DMD: variants seen among roughly 807,000 people sequenced by gnomAD.
DMD encodes dystrophin, also known as mutant dystrophin.
In DMD, 63 loss-of-function variants were observed where a neutral mutation model predicts 330.1. That is an observed-to-expected ratio of 0.19 (90% confidence interval 0.16 to 0.24). The LOEUF (loss-of-function observed/expected upper bound fraction) is 0.24. Among genes scored for constraint, DMD ranks in the 10% least tolerant of loss-of-function variants. The pLI is 1.00. For synonymous variants in DMD, 1,223 were observed against 959.8 expected (o/e 1.27, Z -5.07); for missense variants, 3,344 against 2,684.1 (o/e 1.25, Z -5.43).
chrX:31,636,996 T>C (rs1569153846), intron 54 of DMD, among the ~76,000 whole-genome samples: 1 of 112,175 alleles, frequency 8.9e-6, no homozygotes, highest in Non-Finnish European at 1.9e-5. Context: ...ACAGAGAGTA[T>C]CTGAATGTCT....
intron 62 of DMD, chrX:31,267,071 G>A (rs2051230381): frequency 5.9e-6 from 2 of 338,755 alleles, no homozygotes; most frequent in Non-Finnish European, 1.0e-5. Context: ...AGACTGGGCA[G>A]TTGGGGCTTT....
At chrX:32,336,291 C>G (rs1189055463) in intron 41 of DMD, among the ~76,000 whole-genome samples, 1 of 111,472 alleles carries the variant, frequency 9.0e-6, no homozygotes, top group Non-Finnish European at 1.9e-5. Flanking sequence ...GCTGGGATTA[C>G]AGTTGTGAGC....
intron 1 of DMD, among the ~76,000 whole-genome samples, chrX:33,150,003 T>C (rs1179514808): frequency 8.9e-6 from 1 of 111,935 alleles, no homozygotes; most frequent in Non-Finnish European, 1.9e-5. Flanking sequence ...TGTAATGATC[T>C]AATATAATTA....
chrX:32,943,239 T>A (rs2090553910), intron 2 of DMD, among the ~76,000 whole-genome samples: 1 of 111,601 alleles, frequency 9.0e-6, no homozygotes, highest in African/African-American at 3.3e-5. Context: ...TACAGATAAT[T>A]TGATTAAAAA....
intron 44 of DMD, among the ~76,000 whole-genome samples, chrX:32,134,987 G>A (rs1227140548): frequency 1.8e-5 from 2 of 111,439 alleles, no homozygotes; most frequent in East Asian, 5.7e-4. Context: ...GGCCACATCT[G>A]GTCTAGACTT....
intron 25 of DMD, among the ~76,000 whole-genome samples, chrX:32,460,098 A>T (rs1407905665): frequency 9.2e-6 from 1 of 108,482 alleles, no homozygotes; most frequent in Non-Finnish European, 1.9e-5. Flanking sequence ...AGAAGAAAAA[A>T]ATGGCCAATT....
In DMD at chrX:32,711,853, G is replaced by C. The variant is rs1330581360; in HGVS notation, c.650-12560C>G. On this transcript the variant is annotated intron_variant, in intron 7 of 78. Transcript: ENST00000357033. Reference sequence around the variant, plus strand: ...TTAAACATATACACTGTCTATGCATGTACTTTCTTAAGATGTGCTCAATTA... The same window carrying C: ...TTAAACATATACACTGTCTATGCATCTACTTTCTTAAGATGTGCTCAATTA... Among the ~76,000 whole-genome samples, 4 of 111,789 alleles carry C rather than the reference G, an allele frequency of 3.6e-5. No individual in the cohort carries two copies. The East Asian group carries it at 1.1e-3, about 31-fold the overall frequency.
chrX:32,400,645 C>A (rs1447654022), intron 30 of DMD, among the ~76,000 whole-genome samples: 10 of 110,175 alleles, frequency 9.1e-5, no homozygotes, highest in Non-Finnish European at 1.7e-4. Context: ...CATCTCACAC[C>A]AGTTAGAATG....
intron 7 of DMD, among the ~76,000 whole-genome samples, chrX:32,800,071 GT>G (rs1294978166): frequency 8.9e-6 from 1 of 111,732 alleles, no homozygotes; most frequent in Admixed American, 9.6e-5. Context: ...TATTTGGCAG[GT>G]ATTTCTTAAA....
At position 32,468,656 on chromosome X, in the gene DMD, T is replaced by A. The variant is rs1244241099; in HGVS notation, c.3004A>T (p.Thr1002Ser). 9.1e-6 allele frequency: 11 copies of A among 1,209,526 alleles called. No homozygotes were observed. The highest frequency in any genetic ancestry group is 1.2e-5 in the Non-Finnish European group (11 of 895,049). The change falls in exon 23 of 79, where the codon ACT becomes TCT. Residue 1002 changes from threonine (T) to serine (S), a missense_variant. Thr to Ser is a moderately conservative substitution (Grantham distance 58, BLOSUM62 1). Coordinates refer to ENST00000357033, the MANE Select transcript of DMD (RefSeq NM_004006.3). Reference protein sequence around the residue: ...QQSGLYYLSTTVKEMSKKAPS... With the variant: ...QQSGLYYLSTSVKEMSKKAPS... ...GCTTTCTTCGACATCTCTTTCACAG[T>A]GGTGCTGAGATAGTATAGGCCACTT...
chrX:32,331,789 G>A (rs903031606), intron 41 of DMD, among the ~76,000 whole-genome samples: 1 of 111,648 alleles, frequency 9.0e-6, no homozygotes, highest in African/African-American at 3.2e-5. Flanking sequence ...CCAGTCATTT[G>A]AGACAATATT....
intron 60 of DMD, among the ~76,000 whole-genome samples, chrX:31,357,465 T>C (rs886876229): frequency 1.2e-4 from 13 of 111,465 alleles, no homozygotes; most frequent in African/African-American, 4.2e-4. Context: ...GATAAAGCAC[T>C]GGAAATCAAA....
chrX:33,064,567 GAT>G (rs1162731641), intron 1 of DMD, among the ~76,000 whole-genome samples: 2 of 112,261 alleles, frequency 1.8e-5, no homozygotes, highest in Non-Finnish European at 3.8e-5. Flanking sequence ...GCACTTAAAT[GAT>G]ATTCATTATT....
chrX:33,096,544 C>A (rs1182393448), intron 1 of DMD, among the ~76,000 whole-genome samples: 1 of 99,316 alleles, frequency 1.0e-5, no homozygotes, highest in Admixed American at 1.2e-4. Flanking sequence ...TTGCTCTTGT[C>A]ACCCAGGCTG....
chrX:32,546,170 G>T (rs1569172139), intron 16 of DMD, among the ~76,000 whole-genome samples: 1 of 102,939 alleles, frequency 9.7e-6, no homozygotes, highest in Admixed American at 1.1e-4. Context: ...TTACGAGATA[G>T]ACAAGTCATA....
At chrX:32,585,593 G>A (rs1395737880) in intron 13 of DMD, among the ~76,000 whole-genome samples, 11 of 102,809 alleles carry the variant, frequency 1.1e-4, no homozygotes, top group Non-Finnish European at 1.6e-4. Flanking sequence ...CCAGCTACTC[G>A]GGAGTCTGAG....
intron 1 of DMD, among the ~76,000 whole-genome samples, chrX:33,084,417 C>G (rs2148265859): frequency 8.9e-6 from 1 of 112,323 alleles, no homozygotes; most frequent in Admixed American, 9.4e-5. Context: ...CTCAAATCAG[C>G]AAATCGGTCT....
chrX:31,931,185 G>A (rs1271665158), intron 46 of DMD, among the ~76,000 whole-genome samples: 1 of 111,249 alleles, frequency 9.0e-6, no homozygotes, highest in Non-Finnish European at 1.9e-5. Context: ...CTGATATGAA[G>A]ATTAAATAAA....
In DMD at chrX:31,178,803, A is replaced by T. The variant is rs753017037; in HGVS notation, c.10089T>A (p.Thr3363=). Residue 3363 remains threonine (T), a splice_region_variant and synonymous_variant, in exon 70 of 79, where the codon ACT becomes ACA. Coordinates refer to ENST00000357033, the MANE Select transcript of DMD (RefSeq NM_004006.3). ...AGTCTCGAACATCTTCTCCTGATGT[A>T]GTCTAAAAGGGAGATCATGGTGAGA... is the stretch of plus-strand genomic sequence containing the variant. ...HYPMVEYCTP[T]TSGEDVRDFA... The T allele has an allele frequency of 5.0e-6, 6 of 1,208,672 alleles. No homozygotes were observed. Among genetic ancestry groups the T allele is most frequent in the Non-Finnish European group, 6.7e-6 (6 of 894,070 alleles).
Sources: allele counts gnomAD v4.1 joint callset (sites outside exome capture counted in the v4.1 genomes callset), GRCh38; gene constraint gnomAD v4.1.1; transcripts MANE v1.5; gene names NCBI Gene and HGNC (gene_info 2026-07-23, HGNC 2026-07-21).